KMT2C: variants seen among roughly 807,000 people sequenced by gnomAD.
The protein encoded by KMT2C is histone-lysine N-methyltransferase 2C.
Under a neutral mutation model 507.9 loss-of-function variants are expected in KMT2C, and 88 were observed. The observed-to-expected ratio is 0.17, with a 90% confidence interval of 0.15 to 0.21. KMT2C has a LOEUF of 0.21. KMT2C is among the 10% of genes least tolerant of loss of function. KMT2C has a pLI of 1.00. For synonymous variants in KMT2C, 2,049 were observed against 2,080.8 expected (o/e 0.98, Z 0.42); for missense variants, 4,954 against 5,957.8 (o/e 0.83, Z 5.55).
At chr7:152,262,000 A>T (rs2095788979) in intron 9 of KMT2C, among the ~76,000 whole-genome samples, 3 of 151,268 alleles carry the variant, frequency 2.0e-5, no homozygotes. Context: ...CCCTCCCCTC[A>T]ACCCCCACCA....
intron 6 of KMT2C, among the ~76,000 whole-genome samples, chr7:152,301,748 T>TA (rs1279352306): frequency 6.6e-6 from 1 of 152,134 alleles, no homozygotes; most frequent in African/African-American, 2.4e-5. Flanking sequence ...TAAGAATTTC[T>TA]AAAAATTTAC....
intron 26 of KMT2C, among the ~76,000 whole-genome samples, chr7:152,202,251 C>A (rs1423399731): frequency 6.6e-6 from 1 of 152,116 alleles, no homozygotes; most frequent in Non-Finnish European, 1.5e-5. Context: ...GGATGAATAA[C>A]ACGCTTAGGA....
rs574886018 is a variant in KMT2C at position 152,144,736 on chromosome 7, A to G, written c.14320T>C (p.Tyr4774His). 2.9e-5 allele frequency: 47 copies of G among 1,614,080 alleles called. No individual in the cohort carries two copies. In the South Asian group the frequency reaches 4.0e-4, roughly 14 times the overall value. The change falls in exon 55 of 59, where the codon TAT becomes CAT. Residue 4774 changes from tyrosine to histidine, a missense_variant. Coordinates refer to ENST00000262189, the MANE Select transcript of KMT2C (RefSeq NM_170606.3). The surrounding 1 kb of genome is among the most constrained non-coding windows in gnomAD (Gnocchi z 4.4). Reference sequence around the variant, plus strand: ...ACCTGAATCCGAGACCGTGCCAGATACACATTGGATTTCCATTCAGTTTTC... The same window carrying G: ...ACCTGAATCCGAGACCGTGCCAGATGCACATTGGATTTCCATTCAGTTTTC... ...KMKTEWKSNVYLARSRIQGLG... is the reference protein window; with the variant it reads ...KMKTEWKSNVHLARSRIQGLG...
chr7:152,238,850 T>C (rs199940989), intron 14 of KMT2C, 24 bp from the exon 15 acceptor site: 126 of 1,580,420 alleles, frequency 8.0e-5, no homozygotes, highest in East Asian at 5.1e-4. Context: ...GTTGAGAAAA[T>C]AGATGTGTAA....
At chr7:152,384,044 C>CTGTGTGTG (rs560853000) in intron 1 of KMT2C, among the ~76,000 whole-genome samples, 6,313 of 149,808 alleles carry the variant, frequency 0.042, 207 homozygotes, top group African/African-American at 0.085. Context: ...ACATGTGTGT[C>CTGTGTGTG]TGTGTGTGTG....
At position 152,148,511 on chromosome 7, in the gene KMT2C, A is replaced by G. The variant is rs2129095365; in HGVS notation, c.13416T>C (p.Ser4472=). 1 of 1,614,260 alleles carries G rather than the reference A, an allele frequency of 6.2e-7. No individual in the cohort carries two copies. Among genetic ancestry groups the G allele is most frequent in the Non-Finnish European group, 8.5e-7 (1 of 1,180,050 alleles). ...TGGTGCATCGAAATCTGTGGCATCC[A>G]CTAGTGGCACCCGTCTTGTGACAGA... is the stretch of plus-strand genomic sequence containing the variant. The part of the protein sequence containing the change: ...CVFCHKTGAT[S]GCHRFRCTNI... Residue 4472 remains serine, a synonymous_variant, in exon 52 of 59, where the codon AGT becomes AGC. Coordinates refer to ENST00000262189, the MANE Select transcript of KMT2C (RefSeq NM_170606.3). This position sits in a 1 kb window ranked among gnomAD's most constrained non-coding sequence, Gnocchi z 7.1.
At position 152,279,679 on chromosome 7, in the gene KMT2C, T is replaced by C. The variant is rs931817078; in HGVS notation, c.850-5812A>G. 4.6e-5 allele frequency among the ~76,000 whole-genome samples: 7 copies of C among 152,322 alleles called. No individual in the cohort carries two copies. The East Asian group carries it at 5.8e-4, about 13-fold the overall frequency. On this transcript the variant is annotated intron_variant, in intron 6 of 58. Transcript: ENST00000262189. ...CATACTATTAAACACACATTTCTGA[T>C]TGAAACATCTGCTAAAAAAAATAAC...
At chr7:152,428,979 C>T (rs1379954245) in intron 1 of KMT2C, among the ~76,000 whole-genome samples, 4 of 152,186 alleles carry the variant, frequency 2.6e-5, no homozygotes, top group Non-Finnish European at 1.5e-5. Flanking sequence ...CCACTACACA[C>T]AGCCTCTGTT....
At chr7:152,261,045 C>T (rs55853744) in intron 9 of KMT2C, among the ~76,000 whole-genome samples, 9,012 of 151,892 alleles carry the variant, frequency 0.059, 4 homozygotes, top group Non-Finnish European at 0.087. Flanking sequence ...CTCAAAACAG[C>T]CAAGCATTTC....
intron 1 of KMT2C, among the ~76,000 whole-genome samples, chr7:152,391,542 C>CT (rs2097498265): frequency 2.0e-5 from 2 of 100,514 alleles, no homozygotes; most frequent in African/African-American, 1.0e-4. Context: ...GCATGCCCGG[C>CT]CTTTTTTTTT....
At chr7:152,431,404 C>A (rs1449547884) in intron 1 of KMT2C, among the ~76,000 whole-genome samples, 2 of 151,998 alleles carry the variant, frequency 1.3e-5, no homozygotes, top group Non-Finnish European at 2.9e-5. Context: ...TGAGACCATC[C>A]TGGCTAACAG....
intron 40 of KMT2C, among the ~76,000 whole-genome samples, chr7:152,170,249 T>C (rs935523254): frequency 8.5e-5 from 13 of 152,284 alleles, no homozygotes; most frequent in Non-Finnish European, 1.0e-4. Flanking sequence ...TGGCTTCTGT[T>C]TCCTCTTTTA....
In KMT2C at chr7:152,177,714, C is replaced by T. The variant is rs755047935; in HGVS notation, c.7739G>A (p.Ser2580Asn). The part of the protein sequence containing the change: ...QRLPFSAPPG[S>N]VVEASSNLRH... ...CAGATTAGAAGATGCCTCTACAACG[C>T]TGCCAGGTGGAGCACTGAAAGGCAG... Residue 2580 changes from serine (S) to asparagine (N), a missense_variant, in exon 38 of 59, where the codon AGC (serine) becomes AAC (asparagine). Physicochemically the swap from Ser to Asn is conservative, Grantham distance 46. Transcript: ENST00000262189. 2.5e-6 allele frequency: 4 copies of T among 1,614,142 alleles called. No homozygotes were observed. The South Asian group carries it at 4.4e-5, about 18-fold the overall frequency.
At chr7:152,220,800 T>C in intron 22 of KMT2C, 65 bp from the exon 23 acceptor site, 1 of 1,183,500 alleles carries the variant, frequency 8.4e-7, no homozygotes, top group Middle Eastern at 2.8e-4. Context: ...TGATTACTGT[T>C]CCAAAATACC....
chr7:152,431,103 A>G (rs1376026646), intron 1 of KMT2C, among the ~76,000 whole-genome samples: 1 of 152,208 alleles, frequency 6.6e-6, no homozygotes, highest in Non-Finnish European at 1.5e-5. Flanking sequence ...AATGTAATAA[A>G]TCACAAGTGT....
At chr7:152,204,039 G>A (rs1218665033) in intron 25 of KMT2C, among the ~76,000 whole-genome samples, 1 of 152,010 alleles carries the variant, frequency 6.6e-6, no homozygotes, top group Admixed American at 6.6e-5. Context: ...AGACAGGCCA[G>A]AGGTGACTTG....
chr7:152,362,372 G>A (rs922474972), intron 1 of KMT2C, among the ~76,000 whole-genome samples: 2 of 152,048 alleles, frequency 1.3e-5, no homozygotes, highest in African/African-American at 4.8e-5. Flanking sequence ...GGGTAAGAAG[G>A]CATGAGGTCT....
intron 1 of KMT2C, among the ~76,000 whole-genome samples, chr7:152,427,249 C>T (rs1451893988): frequency 1.3e-5 from 2 of 152,062 alleles, no homozygotes; most frequent in Non-Finnish European, 2.9e-5. Context: ...CTCCTGACCT[C>T]GTGACTCACC....
intron 5 of KMT2C, among the ~76,000 whole-genome samples, chr7:152,310,965 C>A (rs545555706): frequency 6.6e-6 from 1 of 152,026 alleles, no homozygotes; most frequent in Non-Finnish European, 1.5e-5. Context: ...GGATTACGGG[C>A]TGTGAGCCAC....
Sources: gnomAD v4.1 joint callset for allele counts (sites outside exome capture counted in the v4.1 genomes callset) on GRCh38, gnomAD v4.1.1 for gene constraint, Gnocchi (gnomAD v3.1) non-coding constraint, MANE v1.5 for transcripts, NCBI Gene and HGNC (gene_info 2026-07-23, HGNC 2026-07-21) for gene names.